The following FIG4 variants were observed in gnomAD, a reference collection of about 807,000 sequenced individuals.
FIG4 encodes the protein FIG4 phosphoinositide 5-phosphatase, also known as polyphosphoinositide phosphatase.
FIG4 carries 112 observed loss-of-function variants against 118.6 expected under a neutral mutation model. The ratio of observed to expected loss-of-function variants is 0.94; its 90% CI spans 0.81 to 1.11. FIG4 has a LOEUF of 1.11. Ranked by LOEUF, FIG4 falls within the 50% of genes least tolerant of loss-of-function variation. The pLI is 0.00. For synonymous variants in FIG4, 369 were observed against 381.2 expected, an observed-to-expected ratio of 0.97 and a Z score of 0.37; for missense variants, 969 against 1,111.7, an observed-to-expected ratio of 0.87 and a Z score of 1.83.
In FIG4 at chr6:109,767,758, G is replaced by T. The variant is rs1406692317; in HGVS notation, c.1750+863G>T. On this transcript the variant is annotated intron_variant, in intron 15 of 22. Coordinates refer to ENST00000230124, the MANE Select transcript of FIG4 (RefSeq NM_014845.6). The stretch of plus-strand genomic sequence containing the variant: ...GTGGTGATGGGGGCCTGTAGTCCCA[G>T]CTACGCGGGAGGCTGAGGCTGGAGA... 3.9e-5 allele frequency among the ~76,000 whole-genome samples: 6 copies of T among 152,208 alleles called. No individual in the cohort carries two copies. In the East Asian group the frequency reaches 1.2e-3, roughly 29 times the overall value.
In FIG4 at chr6:109,791,445, C is replaced by A. The variant is rs751694228; in HGVS notation, c.2250C>A (p.Ser750Arg). The A allele has an allele frequency of 6.2e-7, 1 of 1,613,804 alleles. No individual in the cohort carries two copies. The highest frequency in any genetic ancestry group is 8.5e-7 in the Non-Finnish European group (1 of 1,179,996). The change falls in exon 20 of 23, where the codon AGC (serine) becomes AGA (arginine). Residue 750 changes from serine to arginine, a missense_variant. Physicochemically the swap from Ser to Arg is moderately radical, Grantham distance 110 (BLOSUM62 -1). Around this residue, in one of 3 missense-constraint regions of FIG4, gnomAD observed 330 missense variants for 348.1 expected, o/e 0.95. Coordinates refer to ENST00000230124, the MANE Select transcript of FIG4 (RefSeq NM_014845.6). ...CAGCCAGCGCCCCGCCGCCCCCCAG[C>A]GAGGAGGCTGTGTCCAGCAGCTCTG... ...KTAASAPPPPSEEAVSSSSED... is the reference protein window; with the variant it reads ...KTAASAPPPPREEAVSSSSED...
intron 1 of FIG4, among the ~76,000 whole-genome samples, chr6:109,710,138 A>C (rs926293163): frequency 6.6e-5 from 10 of 152,006 alleles, no homozygotes; most frequent in Non-Finnish European, 1.2e-4. Context: ...TGTTCCTTCG[A>C]TACCTTGCTT....
intron 19 of FIG4, among the ~76,000 whole-genome samples, chr6:109,790,104 C>G (rs199616032): frequency 6.6e-6 from 1 of 152,114 alleles, no homozygotes; most frequent in Non-Finnish European, 1.5e-5. Flanking sequence ...TTTATTCAGT[C>G]CAGTAAAGAA....
chr6:109,791,597 T>A (rs1183273536), intron 20 of FIG4, 26 bp downstream of exon 20: 1 of 1,607,076 alleles, frequency 6.2e-7, no homozygotes, highest in Admixed American at 1.7e-5. Flanking sequence ...GCCTGTGGCA[T>A]CCAGCCTGAA....
At position 109,699,989 on chromosome 6, in the gene FIG4, G is replaced by C. The variant is rs559397557; in HGVS notation, c.66+8488G>C. Among the ~76,000 whole-genome samples, 338 of 152,272 alleles carry C rather than the reference G, an allele frequency of 2.2e-3. 1 individual carries two copies. Among genetic ancestry groups the C allele is most frequent in the Non-Finnish European group, 3.7e-3 (255 of 68,022 alleles). Reference sequence around the variant, plus strand: ...ACACACAATGGAAGGAGCAAATAAGGCTTCCTTGAACCTCTTTCATAAGTG... The same window carrying C: ...ACACACAATGGAAGGAGCAAATAAGCCTTCCTTGAACCTCTTTCATAAGTG... On this transcript the variant is annotated intron_variant, in intron 1 of 22. Coordinates refer to ENST00000230124, the MANE Select transcript of FIG4 (RefSeq NM_014845.6).
At chr6:109,748,846 G>A (rs568628817) in intron 10 of FIG4, among the ~76,000 whole-genome samples, 3 of 152,116 alleles carry the variant, frequency 2.0e-5, no homozygotes, top group South Asian at 2.1e-4. Flanking sequence ...CCACAAGAAC[G>A]GTATGGGGGA....
chr6:109,806,353 A>T (rs1020247264), intron 22 of FIG4, among the ~76,000 whole-genome samples: 8 of 152,176 alleles, frequency 5.3e-5, no homozygotes, highest in Non-Finnish European at 1.0e-4. Flanking sequence ...TTATTCACAT[A>T]CTTATTTATT....
intron 21 of FIG4, among the ~76,000 whole-genome samples, chr6:109,794,593 G>T (rs17613515): frequency 6.6e-6 from 1 of 152,208 alleles, no homozygotes; most frequent in South Asian, 2.1e-4. Flanking sequence ...GGATGTTCAG[G>T]GACTGATTGG....
rs1229259807 is a variant in FIG4, at chr6:109,691,521, G to A, written c.66+20G>A. 2 of 1,562,174 alleles carry A rather than the reference G, an allele frequency of 1.3e-6. No individual in the cohort carries two copies. Among genetic ancestry groups the A allele is most frequent in the Admixed American group, 3.8e-5 (2 of 52,628 alleles). Reference sequence around the variant, plus strand: ...AGAGCTGTGAGTACCCCCTCGCGGCGGGGCGCAGGCGGGAGGATGGATGTC... The same window carrying A: ...AGAGCTGTGAGTACCCCCTCGCGGCAGGGCGCAGGCGGGAGGATGGATGTC... On this transcript the variant is annotated intron_variant, in intron 1 of 22. Coordinates refer to ENST00000230124, the MANE Select transcript of FIG4 (RefSeq NM_014845.6).
In FIG4 at chr6:109,743,286, T is replaced by C. The variant is rs772588722; in HGVS notation, c.1039+14T>C. On this transcript the variant is annotated intron_variant, in intron 9 of 22. Coordinates refer to ENST00000230124, the MANE Select transcript of FIG4 (RefSeq NM_014845.6). ...CACCTATTACATGTGTGTGGAGCCA[T>C]GTTTTTAATAATAACTCCTGTCCTC... 15 of 1,609,872 alleles carry C rather than the reference T, an allele frequency of 9.3e-6. No homozygotes were observed. Among genetic ancestry groups the C allele is most frequent in the Admixed American group, 1.7e-5 (1 of 59,878 alleles).
intron 1 of FIG4, among the ~76,000 whole-genome samples, chr6:109,706,131 A>T (rs1464504911): frequency 6.6e-6 from 1 of 152,248 alleles, no homozygotes; most frequent in Non-Finnish European, 1.5e-5. Context: ...AGTTAGCCCC[A>T]GTCTCCCGAG....
At chr6:109,810,744 A>T (rs1457086662) in intron 22 of FIG4, among the ~76,000 whole-genome samples, 1 of 152,210 alleles carries the variant, frequency 6.6e-6, no homozygotes, top group African/African-American at 2.4e-5. Context: ...TGAGCAGTCC[A>T]AGTTTTCCCT....
chr6:109,732,340 C>T (rs1408590896), intron 4 of FIG4, among the ~76,000 whole-genome samples: 1 of 152,166 alleles, frequency 6.6e-6, no homozygotes, highest in Non-Finnish European at 1.5e-5. Context: ...GCAAAAACAG[C>T]ATTTACTTCT....
At chr6:109,785,244 G>A (rs1177254241) in intron 17 of FIG4, among the ~76,000 whole-genome samples, 1 of 152,012 alleles carries the variant, frequency 6.6e-6, no homozygotes, top group Admixed American at 6.6e-5. Flanking sequence ...TATCTATGTA[G>A]GCCAATACCT....
chr6:109,743,071 A>C (rs369671740), intron 8 of FIG4, 39 bp from the exon 9 acceptor site: 2 of 1,543,510 alleles, frequency 1.3e-6, no homozygotes, highest in Non-Finnish European at 1.8e-6. Context: ...AAACATTTCT[A>C]ATAACATAAA....
intron 15 of FIG4, among the ~76,000 whole-genome samples, chr6:109,767,340 C>A (rs1481875989): frequency 6.6e-6 from 1 of 152,132 alleles, no homozygotes; most frequent in African/African-American, 2.4e-5. Context: ...TCATTAAATT[C>A]TACTGTTTTA....
intron 1 of FIG4, among the ~76,000 whole-genome samples, chr6:109,707,291 A>ATGTG (rs372863956): frequency 0.081 from 11,774 of 145,282 alleles, 792 homozygotes; most frequent in East Asian, 0.18. Flanking sequence ...ATATATATAT[A>ATGTG]TGTGTGTGTG....
At chr6:109,749,978 A>G (rs1244249659) in intron 10 of FIG4, among the ~76,000 whole-genome samples, 2 of 152,228 alleles carry the variant, frequency 1.3e-5, no homozygotes, top group Non-Finnish European at 2.9e-5. Context: ...ATAGGATTAA[A>G]GAAGATGTTT....
At chr6:109,793,715 A>G (rs553774336) in intron 21 of FIG4, among the ~76,000 whole-genome samples, 10 of 152,384 alleles carry the variant, frequency 6.6e-5, no homozygotes, top group African/African-American at 2.2e-4. Flanking sequence ...TTTCATTTAC[A>G]GAATCCATTG....
Sources: allele counts gnomAD v4.1 joint callset (sites outside exome capture counted in the v4.1 genomes callset), GRCh38; gene constraint gnomAD v4.1.1; regional missense constraint gnomAD v4.1.1; transcripts MANE v1.5; gene names NCBI Gene and HGNC (gene_info 2026-07-23, HGNC 2026-07-21).